VPS13A: variants seen among roughly 807,000 people sequenced by gnomAD.
The protein encoded by VPS13A is vacuolar protein sorting 13 homolog A, also known as intermembrane lipid transfer protein VPS13A.
VPS13A carries 264 observed loss-of-function variants against 390.9 expected under a neutral mutation model. The observed-to-expected ratio is 0.68, with a 90% CI of 0.61 to 0.75. The LOEUF is 0.75. Among genes scored for constraint, VPS13A ranks in the 30% least tolerant of loss-of-function variants. The probability of loss-of-function intolerance (pLI) is 0.00; values close to 1 mark genes in which losing one functional copy is unlikely to be tolerated. For missense variants in VPS13A, 3,409 were observed against 3,733.9 expected, an observed-to-expected ratio of 0.91 and a Z score of 2.27; for synonymous variants, 1,231 against 1,227.1, an observed-to-expected ratio of 1.00 and a Z score of -0.07.
intron 26 of VPS13A, among the ~76,000 whole-genome samples, chr9:77,278,613 T>A (rs1233302256): frequency 1.3e-5 from 2 of 152,314 alleles, no homozygotes; most frequent in African/African-American, 4.8e-5. Flanking sequence ...AGGCTTCAAG[T>A]GTGGCTAGCA....
intron 68 of VPS13A, among the ~76,000 whole-genome samples, chr9:77,400,554 G>T (rs60776464): frequency 2.8e-4 from 42 of 151,950 alleles, no homozygotes; most frequent in African/African-American, 9.4e-4. Context: ...TGGGCCGGGC[G>T]CGGTGGCTCA....
At chr9:77,363,964 A>G (rs768956147) in intron 59 of VPS13A, among the ~76,000 whole-genome samples, 125 of 152,112 alleles carry the variant, frequency 8.2e-4, no homozygotes, top group Middle Eastern at 3.2e-3. Flanking sequence ...GCTGAGCACT[A>G]TGTGTGGTGG....
intron 56 of VPS13A, 114 bp downstream of exon 56, chr9:77,357,952 C>CG: frequency 2.9e-6 from 1 of 345,860 alleles, no homozygotes; most frequent in Non-Finnish European, 4.5e-6. Flanking sequence ...TTGTGCTAGC[C>CG]TTTTTTTTTT....
At chr9:77,207,610 C>A (rs944580923) in intron 5 of VPS13A, among the ~76,000 whole-genome samples, 2 of 151,916 alleles carry the variant, frequency 1.3e-5, no homozygotes, top group African/African-American at 4.8e-5. Flanking sequence ...CCTGTTCTCC[C>A]ATGTACAAAA....
At chr9:77,391,624 A>G (rs7875619) in intron 68 of VPS13A, among the ~76,000 whole-genome samples, 3,900 of 152,276 alleles carry the variant, frequency 0.026, 163 homozygotes, top group East Asian at 0.19. Flanking sequence ...CGGAAGCACT[A>G]TAAAGAAATA....
Position 77,210,658 on chromosome 9 carries a change from C to T in VPS13A, c.538C>T (p.Gln180Ter). The T allele has an allele frequency of 5.6e-6, 9 of 1,613,824 alleles. No individual in the cohort carries two copies. Among genetic ancestry groups the T allele is most frequent in the East Asian group, 2.2e-5 (1 of 44,864 alleles). Residue 180 changes from glutamine to a stop codon, truncating the protein, a stop_gained, in exon 7 of 72, where the codon CAA becomes TAA. Transcript: ENST00000360280. LOFTEE classifies it high-confidence loss of function. ...DKPLSFGISL[Q>*]NLSMQTTDQY... ...ACCGCTGTCATTTGGTATTTCCCTTCAAAATCTGAGCATGCAGGTATTTTG... is the reference window on the plus strand; with the variant it reads ...ACCGCTGTCATTTGGTATTTCCCTTTAAAATCTGAGCATGCAGGTATTTTG...
intron 33 of VPS13A, among the ~76,000 whole-genome samples, chr9:77,297,524 T>C (rs1828087433): frequency 1.3e-5 from 2 of 152,002 alleles, no homozygotes; most frequent in South Asian, 4.1e-4. Context: ...CTATCCATTT[T>C]TGATGTCTTG....
chr9:77,385,163 TTAA>T (rs1261666622), intron 68 of VPS13A: 10 of 934,936 alleles, frequency 1.1e-5, no homozygotes, highest in Non-Finnish European at 1.0e-5. Flanking sequence ...CAAATTTCTT[TTAA>T]TAATAATAAA....
chr9:77,316,476 C>A, intron 39 of VPS13A, 70 bp downstream of exon 39: 1 of 1,294,650 alleles, frequency 7.7e-7, no homozygotes, highest in Non-Finnish European at 1.1e-6. Flanking sequence ...TTTTAGGAAA[C>A]AAAAACTACC....
chr9:77,309,779 T>C (rs1281240900), intron 35 of VPS13A, among the ~76,000 whole-genome samples: 1 of 152,022 alleles, frequency 6.6e-6, no homozygotes, highest in Non-Finnish European at 1.5e-5. Flanking sequence ...ATAATGAATC[T>C]ACTGAGTTTC....
chr9:77,353,676 A>T, intron 54 of VPS13A, 35 bp downstream of exon 54: 2 of 1,534,814 alleles, frequency 1.3e-6, no homozygotes, highest in Non-Finnish European at 1.8e-6. Context: ...CATTTAAATG[A>T]TCAGTTTCTA....
At chr9:77,181,459 T>G (rs1255563987) in intron 1 of VPS13A, among the ~76,000 whole-genome samples, 2 of 141,488 alleles carry the variant, frequency 1.4e-5, no homozygotes, top group African/African-American at 2.7e-5. Context: ...TAGGTTGCAG[T>G]GAGCTGAGAT....
Position 77,369,379 on chromosome 9 carries a change from A to C in VPS13A, c.8634A>C (p.Glu2878Asp). The C allele has an allele frequency of 3.1e-6, 5 of 1,613,280 alleles. No homozygotes were observed. The highest frequency in any genetic ancestry group is 4.2e-6 in the Non-Finnish European group (5 of 1,179,350). The change falls in exon 63 of 72, where the codon GAA (glutamate) becomes GAC (aspartate). Residue 2878 changes from glutamate to aspartate, a missense_variant. This residue lies in a region of VPS13A where 30 missense variants were observed against 63.4 expected (regional missense o/e 0.47). Transcript: ENST00000360280. ...NPFGLIREFS[E>D]GVEAFFYEPY... ...TTGGCTTAATTAGAGAATTTTCTGA[A>C]GGTGTAGAAGCATTTTTTTATGAAC...
intron 70 of VPS13A, among the ~76,000 whole-genome samples, chr9:77,406,567 G>GCCA (rs1834620733): frequency 6.6e-6 from 1 of 151,972 alleles, no homozygotes; most frequent in Non-Finnish European, 1.5e-5. Context: ...ACAGGCATGT[G>GCCA]CCACCATGCC....
chr9:77,364,788 T>A (rs1832345254), intron 59 of VPS13A, among the ~76,000 whole-genome samples: 1 of 152,228 alleles, frequency 6.6e-6, no homozygotes, highest in Non-Finnish European at 1.5e-5. Context: ...TTAAATTTGT[T>A]GTTGTTGTTG....
Position 77,214,121 on chromosome 9 carries a change from C to T in VPS13A, c.697-208C>T, listed in dbSNP as rs141094045. 5.5e-3 allele frequency among the ~76,000 whole-genome samples: 842 copies of T among 151,792 alleles called. 7 individuals are homozygous for T. Among genetic ancestry groups the T allele is most frequent in the African/African-American group, 0.02 (814 of 41,378 alleles). On this transcript the variant is annotated intron_variant, in intron 9 of 71. Transcript: ENST00000360280. The stretch of plus-strand genomic sequence containing the variant: ...TAAAACCCTGTCTCTACTAAAAATA[C>T]AAAAATTAGCCAGGCACGGTGGGGC...
chr9:77,186,696 A>G (rs1463442686), intron 1 of VPS13A, among the ~76,000 whole-genome samples: 1 of 152,152 alleles, frequency 6.6e-6, no homozygotes, highest in Non-Finnish European at 1.5e-5. Context: ...TCGGCCTCCC[A>G]AAGTGCTGGG....
At position 77,373,823 on chromosome 9, in the gene VPS13A, G is replaced by A. The variant is rs6560591; in HGVS notation, c.9077+2674G>A. ...CAAACAACCCCATCAAAAAGTGGGC[G>A]AAGGACATGAACAGACACTTCTCAA... On this transcript the variant is annotated intron_variant, in intron 67 of 71. Transcript: ENST00000360280. Among the ~76,000 whole-genome samples, 1,098 of 151,746 alleles carry A rather than the reference G, an allele frequency of 7.2e-3. 15 individuals carry two copies. Among genetic ancestry groups the A allele is most frequent in the African/African-American group, 0.024 (1,006 of 41,382 alleles).
intron 69 of VPS13A, 77 bp from the exon 70 acceptor site, chr9:77,405,787 T>G: frequency 6.3e-7 from 1 of 1,580,698 alleles, no homozygotes; most frequent in Non-Finnish European, 8.6e-7. Flanking sequence ...CACTTGCGAT[T>G]CATTCGTATC....
Sources: allele counts gnomAD v4.1 joint callset (sites outside exome capture counted in the v4.1 genomes callset), GRCh38; gene constraint gnomAD v4.1.1; regional missense constraint gnomAD v4.1.1; transcripts MANE v1.5; gene names NCBI Gene and HGNC (gene_info 2026-07-23, HGNC 2026-07-21).